The following CYP7B1 variants were observed in gnomAD, a reference collection of about 807,000 sequenced individuals.
The protein encoded by CYP7B1 is cytochrome P450 family 7 subfamily B member 1.
In CYP7B1, 29 loss-of-function variants were observed where a neutral mutation model predicts 42.7. That is an observed-to-expected ratio of 0.68 (90% CI 0.51 to 0.93). The LOEUF (loss-of-function observed/expected upper bound fraction) is 0.93, where lower values mean the gene tolerates loss of function less well. Among genes scored for constraint, CYP7B1 ranks in the 40% least tolerant of loss-of-function variants. The pLI, the probability that CYP7B1 is intolerant of heterozygous loss-of-function variation, is 0.00. For missense variants in CYP7B1, 655 were observed against 600.5 expected (o/e 1.09, Z -0.95); for synonymous variants, 235 against 218.2 (o/e 1.08, Z -0.68).
chr8:64,759,612 A>G (rs566152442), intron 1 of CYP7B1, among the ~76,000 whole-genome samples: 1 of 152,328 alleles, frequency 6.6e-6, no homozygotes, highest in East Asian at 1.9e-4. Context: ...TGATATGAAT[A>G]TGAACTGTTA....
intron 1 of CYP7B1, among the ~76,000 whole-genome samples, chr8:64,631,090 C>A (rs961040154): frequency 3.3e-5 from 5 of 152,286 alleles, no homozygotes; most frequent in Admixed American, 2.0e-4. Context: ...ATGAGGCCAG[C>A]ATTACCCTAA....
At chr8:64,658,044 G>A (rs1806147043) in intron 1 of CYP7B1, among the ~76,000 whole-genome samples, 1 of 152,170 alleles carries the variant, frequency 6.6e-6, no homozygotes, top group African/African-American at 2.4e-5. Context: ...TGGCAGGAGA[G>A]ATGACCAAGC....
chr8:64,609,971 C>A (rs897716177), intron 4 of CYP7B1, among the ~76,000 whole-genome samples: 2 of 152,132 alleles, frequency 1.3e-5, no homozygotes, highest in South Asian at 2.1e-4. Context: ...CAATCAGAAT[C>A]TCTAAGGGTG....
intron 5 of CYP7B1, among the ~76,000 whole-genome samples, chr8:64,599,539 A>G (rs1013417347): frequency 6.6e-6 from 1 of 152,196 alleles, no homozygotes; most frequent in Non-Finnish European, 1.5e-5. Context: ...CTTCACAATT[A>G]AAGAGAGCCA....
chr8:64,626,253 G>T (rs1466927935), intron 1 of CYP7B1, among the ~76,000 whole-genome samples: 1 of 152,058 alleles, frequency 6.6e-6, no homozygotes, highest in Non-Finnish European at 1.5e-5. Context: ...TTAACCTGTG[G>T]ACCTAGGGAA....
chr8:64,705,792 C>A (rs1806990269), intron 1 of CYP7B1, among the ~76,000 whole-genome samples: 1 of 152,008 alleles, frequency 6.6e-6, no homozygotes, highest in African/African-American at 2.4e-5. Flanking sequence ...AAAATTTCAT[C>A]CAGTACAGGC....
intron 1 of CYP7B1, among the ~76,000 whole-genome samples, chr8:64,696,503 G>A (rs930050458): frequency 6.6e-6 from 1 of 152,090 alleles, no homozygotes; most frequent in Non-Finnish European, 1.5e-5. Flanking sequence ...ATGAAACCCT[G>A]AGAACCAGGA....
intron 1 of CYP7B1, among the ~76,000 whole-genome samples, chr8:64,737,439 G>A (rs145511288): frequency 1.4e-4 from 22 of 152,316 alleles, no homozygotes; most frequent in Non-Finnish European, 1.5e-5. Context: ...GTGATAAAGT[G>A]CACTAGCTCA....
At chr8:64,640,407 T>C (rs1462363176) in intron 1 of CYP7B1, among the ~76,000 whole-genome samples, 1 of 152,144 alleles carries the variant, frequency 6.6e-6, no homozygotes, top group South Asian at 2.1e-4. Flanking sequence ...TAAATTTCTA[T>C]CATTAGGTAA....
At chr8:64,754,079 A>T (rs963548018) in intron 1 of CYP7B1, among the ~76,000 whole-genome samples, 7 of 151,894 alleles carry the variant, frequency 4.6e-5, no homozygotes, top group Middle Eastern at 3.2e-3. Context: ...GTTGGTCCCC[A>T]TACACAACCA....
chr8:64,607,310 T>C (rs963833227), intron 4 of CYP7B1, among the ~76,000 whole-genome samples: 1 of 151,864 alleles, frequency 6.6e-6, no homozygotes, highest in Non-Finnish European at 1.5e-5. Context: ...AAAAAGCTTA[T>C]AGTATTGTTA....
intron 1 of CYP7B1, among the ~76,000 whole-genome samples, chr8:64,707,735 G>A (rs1030988203): frequency 1.3e-5 from 2 of 151,472 alleles, no homozygotes; most frequent in South Asian, 4.2e-4. Flanking sequence ...TTTTTCTAAA[G>A]ACTTAAAATC....
At chr8:64,754,812 G>A (rs1397002890) in intron 1 of CYP7B1, among the ~76,000 whole-genome samples, 1 of 152,178 alleles carries the variant, frequency 6.6e-6, no homozygotes, top group Non-Finnish European at 1.5e-5. Context: ...ATATCTTTGA[G>A]GGAAAGTGTG....
At chr8:64,623,102 C>G (rs1440922101) in intron 2 of CYP7B1, among the ~76,000 whole-genome samples, 1 of 152,174 alleles carries the variant, frequency 6.6e-6, no homozygotes, top group African/African-American at 2.4e-5. Context: ...AGGCCATAAA[C>G]TGATGTTGAA....
chr8:64,701,711 T>G (rs1263086165), intron 1 of CYP7B1, among the ~76,000 whole-genome samples: 2 of 151,956 alleles, frequency 1.3e-5, no homozygotes, highest in African/African-American at 4.8e-5. Context: ...ACACAAAAAT[T>G]CCAGACACAC....
intron 1 of CYP7B1, among the ~76,000 whole-genome samples, chr8:64,654,552 C>T (rs117446867): frequency 2.6e-4 from 40 of 152,234 alleles, no homozygotes; most frequent in African/African-American, 5.5e-4. Flanking sequence ...ACATCCCATG[C>T]GCATGAATAG....
At chr8:64,673,017 A>C (rs567311066) in intron 1 of CYP7B1, among the ~76,000 whole-genome samples, 1 of 152,246 alleles carries the variant, frequency 6.6e-6, no homozygotes, top group Non-Finnish European at 1.5e-5. Flanking sequence ...TTCAAAGGCA[A>C]GGGAGAAAAA....
rs899068274 is a variant in CYP7B1, at chr8:64,595,060, G to T, written c.*1582C>A. 6.6e-6 allele frequency among the ~76,000 whole-genome samples: 1 copy of T among 152,186 alleles called. No homozygotes were observed. Among genetic ancestry groups the T allele is most frequent in the African/African-American group, 2.4e-5 (1 of 41,458 alleles). On this transcript the variant is annotated 3_prime_UTR_variant, in exon 6 of 6. Coordinates refer to ENST00000310193, the MANE Select transcript of CYP7B1 (RefSeq NM_004820.5). Reference sequence around the variant, plus strand: ...TAATTAAACTCACTAACGGCTATCCGCCCAATAACAACAATGGATACCTTA... The same window carrying T: ...TAATTAAACTCACTAACGGCTATCCTCCCAATAACAACAATGGATACCTTA...
At chr8:64,780,205 A>G (rs1804398062) in intron 1 of CYP7B1, among the ~76,000 whole-genome samples, 1 of 152,138 alleles carries the variant, frequency 6.6e-6, no homozygotes, top group Non-Finnish European at 1.5e-5. Flanking sequence ...TTTGATATCA[A>G]TATCTAGAAC....
Sources: gnomAD v4.1 joint callset for allele counts (sites outside exome capture counted in the v4.1 genomes callset) on GRCh38, gnomAD v4.1.1 for gene constraint, MANE v1.5 for transcripts, NCBI Gene and HGNC (gene_info 2026-07-23, HGNC 2026-07-21) for gene names.